Variants in TXNDC15 observed in about 807,000 individuals in gnomAD.
The protein encoded by TXNDC15 is thioredoxin domain containing 15, also known as thioredoxin domain-containing protein 15.
Under a neutral mutation model 35.0 loss-of-function variants are expected in TXNDC15, and 24 were observed. The ratio of observed to expected loss-of-function variants is 0.68; its 90% CI spans 0.50 to 0.96. The LOEUF (loss-of-function observed/expected upper bound fraction) is 0.96, where lower values mean the gene tolerates loss of function less well. Among genes scored for constraint, TXNDC15 ranks in the 40% least tolerant of loss-of-function variants. The probability of loss-of-function intolerance (pLI) is 0.00; values close to 1 mark genes in which losing one functional copy is unlikely to be tolerated. For synonymous variants in TXNDC15, 169 were observed against 174.0 expected (o/e 0.97, Z 0.23); for missense variants, 385 against 453.3 (o/e 0.85, Z 1.37).
upstream of TXNDC15, chr5:134,874,264 A>C: frequency 1.7e-6 from 1 of 582,690 alleles, no homozygotes; most frequent in Non-Finnish European, 2.9e-6. Flanking sequence ...GCCAGCGGCT[A>C]GAGGCCGTCC....
chr5:134,879,048 G>A (rs1330647505), intron 1 of TXNDC15, among the ~76,000 whole-genome samples: 1 of 152,192 alleles, frequency 6.6e-6, no homozygotes, highest in Non-Finnish European at 1.5e-5. Flanking sequence ...TTCAATGACT[G>A]TCACATAGTA....
chr5:134,888,312 T>C, intron 2 of TXNDC15, 130 bp downstream of exon 2: 1 of 967,462 alleles, frequency 1.0e-6, no homozygotes, highest in African/African-American at 1.6e-5. Context: ...TAATGGCTGC[T>C]TCAGTGAAAA....
At position 134,874,422 on chromosome 5, in the gene TXNDC15, T is replaced by C; in HGVS notation, c.-6T>C. On this transcript the variant is annotated 5_prime_UTR_variant, in exon 1 of 5. Coordinates refer to ENST00000358387, the MANE Select transcript of TXNDC15 (RefSeq NM_024715.4). The stretch of plus-strand genomic sequence containing the variant: ...GCCGTGCGCCGATTGCCTCTCGGCC[T>C]GGGCAATGGTCCCGGCTGCCGGTCG... 6.3e-7 allele frequency: 1 copy of C among 1,594,704 alleles called. No homozygotes were observed. The highest frequency in any genetic ancestry group is 8.5e-7 in the Non-Finnish European group (1 of 1,174,586).
intron 2 of TXNDC15, among the ~76,000 whole-genome samples, chr5:134,891,692 AG>A (rs1561900579): frequency 4.6e-5 from 7 of 152,202 alleles, no homozygotes; most frequent in Non-Finnish European, 4.4e-5. Context: ...TCAGAGGCCA[AG>A]GTGGGTGGAT....
chr5:134,882,537 C>G (rs566769303), intron 1 of TXNDC15, among the ~76,000 whole-genome samples: 1 of 152,250 alleles, frequency 6.6e-6, no homozygotes, highest in African/African-American at 2.4e-5. Context: ...CGCCACTGCA[C>G]TCCAGCCTGG....
intron 1 of TXNDC15, among the ~76,000 whole-genome samples, chr5:134,884,476 G>A (rs1388300227): frequency 6.6e-6 from 1 of 151,736 alleles, no homozygotes; most frequent in African/African-American, 2.4e-5. Flanking sequence ...TCGAACTCCC[G>A]ACCTCAGGTG....
chr5:134,888,772 G>A (rs999968760), intron 2 of TXNDC15, among the ~76,000 whole-genome samples: 1 of 152,184 alleles, frequency 6.6e-6, no homozygotes, highest in Non-Finnish European at 1.5e-5. Flanking sequence ...GTGAGCCACC[G>A]TGCCCGGCCA....
rs964355657 is a variant in TXNDC15, at chr5:134,874,373, C to T, written c.-55C>T. 8.1e-5 allele frequency: 120 copies of T among 1,479,332 alleles called. No individual in the cohort carries two copies. Among genetic ancestry groups the T allele is most frequent in the Admixed American group, 7.1e-4 (35 of 49,630 alleles). The allele number at this position is 1,479,332 out of a possible 1,614,324, so 91.6% of individuals were successfully genotyped here. A position where few individuals can be genotyped will look rare whatever the true frequency, so the allele number is the denominator to read the frequency against. On this transcript the variant is annotated 5_prime_UTR_variant, in exon 1 of 5. Transcript: ENST00000358387. ...CAGGCTCTCCTCCCCCAGCCTTCCT[C>T]CGGCTGGCAGCACGACTCGCGTAGC...
At chr5:134,884,946 G>A (rs556134707) in intron 1 of TXNDC15, among the ~76,000 whole-genome samples, 14 of 142,306 alleles carry the variant, frequency 9.8e-5, no homozygotes, top group Admixed American at 3.5e-4. Context: ...TTTCTGAGAC[G>A]GATTTCTCTC....
At chr5:134,895,172 C>A (rs1303091215) in intron 3 of TXNDC15, among the ~76,000 whole-genome samples, 1 of 151,460 alleles carries the variant, frequency 6.6e-6, no homozygotes, top group Non-Finnish European at 1.5e-5. Flanking sequence ...CAGAGTGAGA[C>A]CCTGTCTCAA....
At chr5:134,881,053 G>C (rs1269131662) in intron 1 of TXNDC15, among the ~76,000 whole-genome samples, 2 of 150,134 alleles carry the variant, frequency 1.3e-5, no homozygotes, top group East Asian at 3.9e-4. Context: ...CTCTTCTCTT[G>C]CCAGTACTCC....
chr5:134,883,606 A>AAAAAAAAAAAAAAAAAG (rs1561898033), intron 1 of TXNDC15, among the ~76,000 whole-genome samples: 2 of 147,992 alleles, frequency 1.4e-5, no homozygotes, highest in African/African-American at 5.0e-5. Flanking sequence ...AAAAAAAAAA[A>AAAAAAAAAAAAAAAAAG]AAAAAGAAAA....
At chr5:134,895,133 A>G (rs996324426) in intron 3 of TXNDC15, among the ~76,000 whole-genome samples, 1 of 152,014 alleles carries the variant, frequency 6.6e-6, no homozygotes, top group Non-Finnish European at 1.5e-5. Flanking sequence ...GTGAGCCGTG[A>G]TCCTGTCACT....
chr5:134,874,253 G>A (rs1379557789), upstream of TXNDC15: 2 of 570,124 alleles, frequency 3.5e-6, no homozygotes, highest in Non-Finnish European at 6.1e-6. Flanking sequence ...CAGCGCCGAC[G>A]GCCAGCGGCT....
In TXNDC15 at chr5:134,899,926, G is replaced by T. The variant is rs767850744; in HGVS notation, c.*241G>T. 17 of 391,426 alleles carry T rather than the reference G, an allele frequency of 4.3e-5. No homozygotes were observed. The highest frequency in any genetic ancestry group is 7.7e-5 in the Non-Finnish European group (17 of 221,476). The allele number at this position is 391,426 out of a possible 1,614,324, so 24.2% of individuals were successfully genotyped here. A position where few individuals can be genotyped will look rare whatever the true frequency, so the allele number is the denominator to read the frequency against. ...CTATTCTTGTTTTTACTGCATGAAC[G>T]TAATCCAGTATTTGGAAAGTAATCC... On this transcript the variant is annotated 3_prime_UTR_variant, in exon 5 of 5. Transcript: ENST00000358387.
intron 4 of TXNDC15, among the ~76,000 whole-genome samples, chr5:134,897,237 A>G (rs552831645): frequency 2.0e-5 from 3 of 151,446 alleles, no homozygotes; most frequent in Non-Finnish European, 2.9e-5. Flanking sequence ...TGCCCGGTCT[A>G]TTATAGATAC....
chr5:134,885,753 T>G (rs1750263014), intron 1 of TXNDC15, among the ~76,000 whole-genome samples: 1 of 152,208 alleles, frequency 6.6e-6, no homozygotes, highest in Admixed American at 6.5e-5. Context: ...TTGGAGCAGT[T>G]GTAGGGTTCT....
At chr5:134,895,452 G>A (rs1283142073) in intron 3 of TXNDC15, among the ~76,000 whole-genome samples, 1 of 152,086 alleles carries the variant, frequency 6.6e-6, no homozygotes, top group Non-Finnish European at 1.5e-5. Flanking sequence ...TGCCTCTCCC[G>A]CAACTCCCTC....
intron 1 of TXNDC15, among the ~76,000 whole-genome samples, chr5:134,878,489 C>T (rs1750082636): frequency 6.6e-6 from 1 of 152,202 alleles, no homozygotes; most frequent in African/African-American, 2.4e-5. Flanking sequence ...GGTCCCTCCT[C>T]ATTTGCCTTT....
Sources: allele counts gnomAD v4.1 joint callset (sites outside exome capture counted in the v4.1 genomes callset), GRCh38; gene constraint gnomAD v4.1.1; transcripts MANE v1.5; gene names NCBI Gene and HGNC (gene_info 2026-07-23, HGNC 2026-07-21).